Variants in KIRREL3 observed in about 807,000 individuals in gnomAD.
The protein encoded by KIRREL3 is kin of IRRE-like protein 3.
A neutral mutation model predicts 89.7 loss-of-function variants in KIRREL3; 36 were observed. The ratio of observed to expected loss-of-function variants is 0.40; its 90% CI spans 0.31 to 0.53. The LOEUF (loss-of-function observed/expected upper bound fraction) is 0.53. Ranked by LOEUF, KIRREL3 falls within the 20% of genes least tolerant of loss-of-function variation. KIRREL3 has a pLI of 0.49. For missense variants in KIRREL3, 864 were observed against 1,056.6 expected (o/e 0.82, Z 2.53); for synonymous variants, 445 against 441.4 (o/e 1.01, Z -0.10).
rs1023654958 is a variant in KIRREL3, at chr11:126,476,652, G to C, written c.434-3186C>G. 7.0e-6 allele frequency among the ~76,000 whole-genome samples: 1 copy of C among 143,224 alleles called. No homozygotes were observed. The highest frequency in any genetic ancestry group is 2.1e-4 in the East Asian group (1 of 4,820). 94.0% of individuals were successfully genotyped at this position (143,224 alleles called of 152,430 possible). ...GTCTTCGCTTCACTGCACACCAGAT[G>C]GGGGTGGGGGCTGGGGGGGGGTGGG... is the stretch of plus-strand genomic sequence containing the variant. On this transcript the variant is annotated intron_variant, in intron 4 of 16. Coordinates refer to ENST00000525144, the MANE Select transcript of KIRREL3 (RefSeq NM_032531.4). This position sits in a 1 kb window ranked among gnomAD's most constrained non-coding sequence, Gnocchi z 6.4.
Position 126,891,534 on chromosome 11 carries a change from A to C in KIRREL3, c.55+108921T>G, listed in dbSNP as rs373180220. Among the ~76,000 whole-genome samples the C allele has an allele frequency of 5.3e-5, 8 of 152,210 alleles. No individual in the cohort carries two copies. The South Asian group carries it at 1.4e-3, about 28-fold the overall frequency. On this transcript the variant is annotated intron_variant, in intron 1 of 16. Transcript: ENST00000525144. This position sits in a 1 kb window ranked among gnomAD's most constrained non-coding sequence, Gnocchi z 5.1. The stretch of plus-strand genomic sequence containing the variant: ...TCCCTGCCATGGATGGATTCCTTGG[A>C]AAGAGATGCACAGGGTGCTCCGACT...
At chr11:126,440,764 A>G (rs891596067) in intron 10 of KIRREL3, 4 of 606,936 alleles carry the variant, frequency 6.6e-6, no homozygotes, top group Non-Finnish European at 1.2e-5. Context: ...GAATGCTTCT[A>G]AGTCAGAACC....
At chr11:126,717,261 T>C (rs1050920336) in intron 1 of KIRREL3, among the ~76,000 whole-genome samples, 4 of 152,204 alleles carry the variant, frequency 2.6e-5, no homozygotes, top group African/African-American at 9.6e-5. Flanking sequence ...TTCTATGGTG[T>C]CTTGGATATG....
chr11:126,868,154 A>T (rs1448824130), intron 1 of KIRREL3, among the ~76,000 whole-genome samples: 1 of 152,082 alleles, frequency 6.6e-6, no homozygotes, highest in Non-Finnish European at 1.5e-5. Flanking sequence ...AACCAGTCAG[A>T]TGTCTATTAA....
At position 126,987,758 on chromosome 11, in the gene KIRREL3, T is replaced by C. The variant is rs886707348; in HGVS notation, c.55+12697A>G. 6.6e-6 allele frequency among the ~76,000 whole-genome samples: 1 copy of C among 152,258 alleles called. No individual in the cohort carries two copies. The highest frequency in any genetic ancestry group is 2.4e-5 in the African/African-American group (1 of 41,468). The stretch of plus-strand genomic sequence containing the variant: ...GCATTCCTCCTCTGTATTGCTCTGA[T>C]TCGATCTAAAGGAGCTTTGAAAACG... On this transcript the variant is annotated intron_variant, in intron 1 of 16. Coordinates refer to ENST00000525144, the MANE Select transcript of KIRREL3 (RefSeq NM_032531.4). This position sits in a 1 kb window ranked among gnomAD's most constrained non-coding sequence, Gnocchi z 4.6.
At chr11:126,460,195 G>A (rs759298965) in intron 6 of KIRREL3, among the ~76,000 whole-genome samples, 1 of 152,172 alleles carries the variant, frequency 6.6e-6, no homozygotes, top group South Asian at 2.1e-4. Context: ...GGCTAGGGGC[G>A]GTGAGCGCGG....
chr11:126,878,670 T>G (rs561626454), intron 1 of KIRREL3, among the ~76,000 whole-genome samples: 1 of 152,200 alleles, frequency 6.6e-6, no homozygotes, highest in African/African-American at 2.4e-5. Flanking sequence ...ATCTAAAGAT[T>G]TGACCTAGTA....
At chr11:126,835,402 A>G (rs1943745197) in intron 1 of KIRREL3, among the ~76,000 whole-genome samples, 1 of 152,236 alleles carries the variant, frequency 6.6e-6, no homozygotes, top group Admixed American at 6.5e-5. Context: ...AAAACAAACC[A>G]TAAGTCAGCC....
intron 1 of KIRREL3, among the ~76,000 whole-genome samples, chr11:126,835,212 A>G (rs1391074295): frequency 2.6e-5 from 4 of 152,194 alleles, no homozygotes; most frequent in Non-Finnish European, 4.4e-5. Context: ...AGGGCTTGGG[A>G]ATAATTGTCT....
rs1956599888 is a variant in KIRREL3 at position 126,463,065 on chromosome 11, T to A, written c.742+92A>T. The A allele has an allele frequency of 7.8e-6, 10 of 1,282,590 alleles. No individual in the cohort carries two copies. Among genetic ancestry groups the A allele is most frequent in the Non-Finnish European group, 9.9e-6 (9 of 909,332 alleles). 79.5% of individuals were successfully genotyped at this position (1,282,590 alleles called of 1,614,324 possible). A position where few individuals can be genotyped will look rare whatever the true frequency, so the allele number is the denominator to read the frequency against. On this transcript the variant is annotated intron_variant, in intron 6 of 16. Transcript: ENST00000525144. This position sits in a 1 kb window ranked among gnomAD's most constrained non-coding sequence, Gnocchi z 5.9. ...CCACAGAGCTGCCTGACCCATTTCC[T>A]GCTATCAGATGGGCCAGGCTATGGT...
chr11:126,675,633 C>T lies in KIRREL3; in HGVS notation c.56-112721G>A, dbSNP rs1477755839. Reference sequence around the variant, plus strand: ...CCATCCCAATGCCTACTGTCGTTGCCACTCCCAAGAACAAAGAGCCTGCTT... The same window carrying T: ...CCATCCCAATGCCTACTGTCGTTGCTACTCCCAAGAACAAAGAGCCTGCTT... On this transcript the variant is annotated intron_variant, in intron 1 of 16. Coordinates refer to ENST00000525144, the MANE Select transcript of KIRREL3 (RefSeq NM_032531.4). Among the ~76,000 whole-genome samples, 4 of 152,308 alleles carry T rather than the reference C, an allele frequency of 2.6e-5. No individual in the cohort carries two copies. The South Asian group carries it at 6.2e-4, about 24-fold the overall frequency.
In KIRREL3 at chr11:126,562,865, C is replaced by T. The variant is rs549320678; in HGVS notation, c.103G>A (p.Ala35Thr). 14 of 1,613,758 alleles carry T rather than the reference C, an allele frequency of 8.7e-6. No individual in the cohort carries two copies. In the East Asian group the frequency reaches 1.1e-4, roughly 13 times the overall value. ...RGCCLVLGYM[A>T]KDKFRRMNEG... ...TTCATTCTCCGAAACTTGTCCTTGG[C>T]CATGTAGCCCAGCACCAGACAGCAT... Residue 35 changes from alanine (A) to threonine (T), a missense_variant, in exon 2 of 17, where the codon GCC becomes ACC. By Grantham distance (58) the Ala-to-Thr change is moderately conservative. Coordinates refer to ENST00000525144, the MANE Select transcript of KIRREL3 (RefSeq NM_032531.4). The surrounding 1 kb of genome is among the most constrained non-coding windows in gnomAD (Gnocchi z 4.7).
Position 126,535,533 on chromosome 11 carries a change from G to A in KIRREL3, c.134-8846C>T, listed in dbSNP as rs1295861932. 3.3e-5 allele frequency among the ~76,000 whole-genome samples: 5 copies of A among 152,094 alleles called. No homozygotes were observed. Among genetic ancestry groups the A allele is most frequent in the Non-Finnish European group, 5.9e-5 (4 of 68,020 alleles). ...GCAGATTACAAGGGCCACGTCACTC[G>A]GTGTGATGGTCTTAGGGCAGCACTG... is the stretch of plus-strand genomic sequence containing the variant. On this transcript the variant is annotated intron_variant, in intron 2 of 16. Transcript: ENST00000525144. The surrounding 1 kb of genome is among the most constrained non-coding windows in gnomAD (Gnocchi z 4.5).
chr11:126,821,215 C>T (rs1273240321), intron 1 of KIRREL3, among the ~76,000 whole-genome samples: 1 of 151,646 alleles, frequency 6.6e-6, no homozygotes, highest in East Asian at 1.9e-4. Flanking sequence ...GACAAGGCTT[C>T]TCTCCCTTTT....
chr11:126,558,506 G>A lies in KIRREL3; in HGVS notation c.133+4329C>T, dbSNP rs549499930. ...AGAGCCCTGGGTGTCTGGAGCCCTG[G>A]GCTGTGGTCCTGGCTCTTCCAGCCA... On this transcript the variant is annotated intron_variant, in intron 2 of 16. Transcript: ENST00000525144. This position sits in a 1 kb window ranked among gnomAD's most constrained non-coding sequence, Gnocchi z 4.0. Among the ~76,000 whole-genome samples the A allele has an allele frequency of 2.0e-5, 3 of 152,178 alleles. No individual in the cohort carries two copies. Among genetic ancestry groups the A allele is most frequent in the Non-Finnish European group, 4.4e-5 (3 of 68,038 alleles).
intron 1 of KIRREL3, among the ~76,000 whole-genome samples, chr11:126,856,337 A>T (rs900053308): frequency 1.3e-5 from 2 of 152,186 alleles, no homozygotes; most frequent in Non-Finnish European, 2.9e-5. Flanking sequence ...AGTGAAGACA[A>T]GATGGCCTTT....
rs1348868461 is a variant in KIRREL3 at position 126,490,376 on chromosome 11, C to T, written c.434-16910G>A. Reference sequence around the variant, plus strand: ...CCATGAAGTATTCTTCAGCCTGGCCCTGTCCGTGAGCCAGGTTATTGGAAA... The same window carrying T: ...CCATGAAGTATTCTTCAGCCTGGCCTTGTCCGTGAGCCAGGTTATTGGAAA... On this transcript the variant is annotated intron_variant, in intron 4 of 16. Transcript: ENST00000525144. The surrounding 1 kb of genome is among the most constrained non-coding windows in gnomAD (Gnocchi z 4.2). 1.3e-5 allele frequency among the ~76,000 whole-genome samples: 2 copies of T among 151,994 alleles called. No individual in the cohort carries two copies. The highest frequency in any genetic ancestry group is 4.1e-4 in the South Asian group (2 of 4,824).
intron 1 of KIRREL3, among the ~76,000 whole-genome samples, chr11:126,809,808 C>G (rs1344808086): frequency 6.6e-6 from 1 of 152,190 alleles, no homozygotes; most frequent in Admixed American, 6.5e-5. Flanking sequence ...AGACAAAACC[C>G]TCCTGATACT....
intron 1 of KIRREL3, among the ~76,000 whole-genome samples, chr11:126,885,837 T>G (rs1365119080): frequency 6.6e-6 from 1 of 152,210 alleles, no homozygotes. Flanking sequence ...TTCACTTTTC[T>G]ATTTGGCAAC....
Sources: allele counts gnomAD v4.1 joint callset (sites outside exome capture counted in the v4.1 genomes callset), GRCh38; gene constraint gnomAD v4.1.1; non-coding constraint Gnocchi (gnomAD v3.1); transcripts MANE v1.5; gene names NCBI Gene and HGNC (gene_info 2026-07-23, HGNC 2026-07-21).